Variants in ATAD2B observed in about 807,000 individuals in gnomAD.
ATAD2B encodes ATPase family AAA domain containing 2B.
ATAD2B carries 40 observed loss-of-function variants against 167.6 expected under a neutral mutation model. That is an observed-to-expected ratio of 0.24 (90% CI 0.19 to 0.31). The LOEUF is 0.31. Among genes scored for constraint, ATAD2B ranks in the 10% least tolerant of loss-of-function variants. The probability of loss-of-function intolerance (pLI) is 1.00; values close to 1 mark genes in which losing one functional copy is unlikely to be tolerated. For missense variants in ATAD2B, 1,242 were observed against 1,757.2 expected (o/e 0.71, Z 5.24); for synonymous variants, 579 against 596.5 (o/e 0.97, Z 0.43).
intron 4 of ATAD2B, among the ~76,000 whole-genome samples, chr2:23,887,266 T>C (rs1573262807): frequency 6.6e-6 from 1 of 152,136 alleles, no homozygotes; most frequent in East Asian, 1.9e-4. Context: ...CTCACTATGC[T>C]GCCGTGACTG....
At chr2:23,805,751 C>A (rs1232698988) in intron 18 of ATAD2B, among the ~76,000 whole-genome samples, 2 of 140,208 alleles carry the variant, frequency 1.4e-5, no homozygotes, top group Non-Finnish European at 3.0e-5. Flanking sequence ...TACATTTCCA[C>A]TAAGTCTAAG....
chr2:23,775,405 G>C lies in ATAD2B; in HGVS notation c.3133+7464C>G, dbSNP rs553374662. Among the ~76,000 whole-genome samples, 136 of 151,874 alleles carry C rather than the reference G, an allele frequency of 9.0e-4. 1 individual carries two copies. Among genetic ancestry groups the C allele is most frequent in the African/African-American group, 3.1e-3 (130 of 41,414 alleles). ...ATTTTTGTATTTTTAGTAGAGATGG[G>C]GTTTCACCATGTTAGCCAGGATGGT... On this transcript the variant is annotated intron_variant, in intron 22 of 27. Coordinates refer to ENST00000238789, the MANE Select transcript of ATAD2B (RefSeq NM_017552.4).
intron 16 of ATAD2B, 44 bp downstream of exon 16, chr2:23,823,214 G>A (rs750595537): frequency 2.4e-5 from 33 of 1,389,106 alleles, no homozygotes; most frequent in Non-Finnish European, 3.1e-5. Flanking sequence ...ATTTATTCCT[G>A]TATTTGTTTC....
chr2:23,821,642 C>G (rs1687465759), intron 16 of ATAD2B, among the ~76,000 whole-genome samples: 1 of 152,064 alleles, frequency 6.6e-6, no homozygotes, highest in Admixed American at 6.5e-5. Context: ...GAATAATTTT[C>G]TATTTGGTGC....
the ATAD2B span, among the ~76,000 whole-genome samples, chr2:23,698,923 A>G: frequency 6.6e-6 from 1 of 152,200 alleles, no homozygotes; most frequent in South Asian, 2.1e-4. Context: ...ACAGCCACAT[A>G]ATCTTCCACT....
intron 12 of ATAD2B, among the ~76,000 whole-genome samples, chr2:23,860,872 A>G (rs1360566156): frequency 2.6e-5 from 4 of 152,102 alleles, no homozygotes; most frequent in African/African-American, 7.2e-5. Flanking sequence ...TTGGGAGACT[A>G]AGGCAGGAGA....
chr2:23,767,758 G>T (rs970568927), intron 22 of ATAD2B, among the ~76,000 whole-genome samples: 1 of 152,156 alleles, frequency 6.6e-6, no homozygotes. Flanking sequence ...CAAGATTACA[G>T]ATTTGAAATG....
At chr2:23,709,616 A>G in the ATAD2B span, among the ~76,000 whole-genome samples, 6 of 144,624 alleles carry the variant, frequency 4.1e-5, no homozygotes, top group African/African-American at 1.6e-4. Flanking sequence ...CACAAATCTC[A>G]CCAAGACTAA....
chr2:23,732,040 A>C, the ATAD2B span, among the ~76,000 whole-genome samples: 6 of 152,148 alleles, frequency 3.9e-5, no homozygotes, highest in African/African-American at 1.4e-4. Flanking sequence ...AAGAATCTTC[A>C]AAATTACTGT....
chr2:23,703,674 T>C, the ATAD2B span: 1 of 1,500,082 alleles, frequency 6.7e-7, no homozygotes, highest in East Asian at 2.5e-5. Flanking sequence ...GAGAGGGAAG[T>C]CCAAGACAAG....
the ATAD2B span, among the ~76,000 whole-genome samples, chr2:23,711,942 G>A: frequency 6.6e-6 from 1 of 152,120 alleles, no homozygotes; most frequent in Non-Finnish European, 1.5e-5. Context: ...AAAAGGCATA[G>A]GGCTTCATCT....
At chr2:23,713,470 T>A in the ATAD2B span, among the ~76,000 whole-genome samples, 3,170 of 152,196 alleles carry the variant, frequency 0.021, 118 homozygotes, top group African/African-American at 0.072. Context: ...CCTTTTAAAG[T>A]GGTTTTTCAG....
intron 8 of ATAD2B, among the ~76,000 whole-genome samples, chr2:23,874,425 A>T (rs1696493796): frequency 6.6e-6 from 1 of 152,088 alleles, no homozygotes; most frequent in Non-Finnish European, 1.5e-5. Context: ...ACTTCATAAA[A>T]ATTAAAAGCT....
At chr2:23,910,332 C>G (rs1023158263) in intron 1 of ATAD2B, among the ~76,000 whole-genome samples, 2 of 151,606 alleles carry the variant, frequency 1.3e-5, no homozygotes, top group East Asian at 2.0e-4. Context: ...GCATGCACCA[C>G]GATGCTCAGC....
the ATAD2B span, chr2:23,696,358 G>C: frequency 6.4e-7 from 1 of 1,551,628 alleles, no homozygotes; most frequent in Non-Finnish European, 8.7e-7. This position sits in a 1 kb window ranked among gnomAD's most constrained non-coding sequence, Gnocchi z 5.5. Flanking sequence ...GGGTGACGCT[G>C]GCTGATGTCT....
intron 13 of ATAD2B, among the ~76,000 whole-genome samples, chr2:23,853,278 A>G (rs1404816166): frequency 6.6e-6 from 1 of 152,246 alleles, no homozygotes; most frequent in African/African-American, 2.4e-5. Context: ...GGAAAGGAAG[A>G]AGTAGAAGTA....
intron 21 of ATAD2B, among the ~76,000 whole-genome samples, chr2:23,783,304 T>C: frequency 6.6e-6 from 1 of 150,596 alleles, no homozygotes; most frequent in East Asian, 1.9e-4. Flanking sequence ...TTTTTTTTAA[T>C]CCTTCGGGCA....
the ATAD2B span, chr2:23,696,244 A>C: frequency 1.3e-6 from 2 of 1,490,942 alleles, no homozygotes; most frequent in Non-Finnish European, 1.8e-6. This position sits in a 1 kb window ranked among gnomAD's most constrained non-coding sequence, Gnocchi z 5.5. Context: ...TTTGCAGGTG[A>C]AGCCTTCCTC....
At chr2:23,745,484 T>G (rs1489294134), downstream of ATAD2B, among the ~76,000 whole-genome samples, 1 of 148,798 alleles carries the variant, frequency 6.7e-6, no homozygotes, top group African/African-American at 2.5e-5. Flanking sequence ...AAGGAAGACT[T>G]GAATACAAGC....
Sources: allele counts gnomAD v4.1 joint callset (sites outside exome capture counted in the v4.1 genomes callset), GRCh38; gene constraint gnomAD v4.1.1; non-coding constraint Gnocchi (gnomAD v3.1); transcripts MANE v1.5; gene names NCBI Gene and HGNC (gene_info 2026-07-23, HGNC 2026-07-21).